The following BEND7 variants were observed in gnomAD, a reference collection of about 807,000 sequenced individuals.
BEND7 encodes BEN domain containing 7, also known as BEN domain-containing protein 7.
BEND7 carries 28 observed loss-of-function variants against 50.9 expected under a neutral mutation model. That is an observed-to-expected ratio of 0.55 (90% CI 0.41 to 0.75). BEND7 has a LOEUF of 0.75. Among genes scored for constraint, BEND7 ranks in the 30% least tolerant of loss-of-function variants. The pLI is 0.00. For missense variants in BEND7, 477 were observed against 491.3 expected (o/e 0.97, Z 0.28); for synonymous variants, 170 against 183.9 (o/e 0.92, Z 0.61).
At position 13,526,150 on chromosome 10, in the gene BEND7, G is replaced by T; in HGVS notation, c.133C>A (p.Pro45Thr). Residue 45 changes from proline to threonine, a missense_variant, in exon 2 of 9, where the codon CCC becomes ACC. Transcript: ENST00000466271. The stretch of plus-strand genomic sequence containing the variant: ...CATAGGAACCTACCTAAAAAAATGG[G>T]CTGTGTCTCTTTGGCCTCCCCATTA... ...DVNGEAKETQ[P>T]IFLGDESMEI... is the part of the protein sequence containing the mutation. 5 of 1,288,082 alleles carry T rather than the reference G, an allele frequency of 3.9e-6. No homozygotes were observed. Among genetic ancestry groups the T allele is most frequent in the Non-Finnish European group, 5.1e-6 (5 of 987,690 alleles). The allele number at this position is 1,288,082 out of a possible 1,614,324, so 79.8% of individuals were successfully genotyped here.
intron 6 of BEND7, among the ~76,000 whole-genome samples, chr10:13,461,113 G>A (rs535634969): frequency 4.1e-4 from 63 of 152,312 alleles, no homozygotes; most frequent in African/African-American, 1.5e-3. Flanking sequence ...TGATGGCTGA[G>A]CTGAAACCAA....
At chr10:13,486,153 A>G (rs2076206056) in intron 5 of BEND7, among the ~76,000 whole-genome samples, 1 of 152,206 alleles carries the variant, frequency 6.6e-6, no homozygotes, top group Non-Finnish European at 1.5e-5. Flanking sequence ...TGCTGAGATT[A>G]CAGGCATGTG....
At chr10:13,474,023 C>T (rs565165183) in intron 6 of BEND7, among the ~76,000 whole-genome samples, 3 of 151,770 alleles carry the variant, frequency 2.0e-5, no homozygotes, top group Admixed American at 6.6e-5. Flanking sequence ...CTGTTAAACT[C>T]GGGGCTGATA....
intron 5 of BEND7, among the ~76,000 whole-genome samples, chr10:13,486,257 G>T (rs1412266812): frequency 2.6e-5 from 4 of 152,192 alleles, no homozygotes; most frequent in Admixed American, 1.3e-4. Context: ...TTCAACTCTT[G>T]GCCTCAAGCA....
At chr10:13,476,642 G>A (rs1473809812) in intron 6 of BEND7, among the ~76,000 whole-genome samples, 5 of 152,182 alleles carry the variant, frequency 3.3e-5, no homozygotes, top group Admixed American at 6.5e-5. Context: ...CTCTAACCAC[G>A]TTAATCTGCA....
chr10:13,473,794 T>C (rs1044937076), intron 6 of BEND7, among the ~76,000 whole-genome samples: 1 of 151,792 alleles, frequency 6.6e-6, no homozygotes, highest in Non-Finnish European at 1.5e-5. Context: ...ATACTCATCA[T>C]TGTTGTTACA....
In BEND7 at chr10:13,467,016, G is replaced by A. The variant is rs118158288; in HGVS notation, c.1063+13883C>T. 4.5e-4 allele frequency among the ~76,000 whole-genome samples: 69 copies of A among 152,324 alleles called. No homozygotes were observed. In the East Asian group the frequency reaches 0.011, roughly 25 times the overall value. On this transcript the variant is annotated intron_variant, in intron 6 of 8. Coordinates refer to ENST00000466271, the MANE Select transcript of BEND7 (RefSeq NM_001369863.1). ...GGCTGGGAAGGCGGGTGCGGGGCAG[G>A]GGTCTCACTCATCAGTGGAGATTTA...
chr10:13,447,701 G>A (rs992643059), intron 7 of BEND7, among the ~76,000 whole-genome samples: 4 of 151,812 alleles, frequency 2.6e-5, no homozygotes, highest in Admixed American at 2.0e-4. Context: ...CCGCCACCAC[G>A]CCTGGCTAAT....
At chr10:13,466,688 A>G (rs2074282184) in intron 6 of BEND7, among the ~76,000 whole-genome samples, 1 of 152,224 alleles carries the variant, frequency 6.6e-6, no homozygotes, top group Non-Finnish European at 1.5e-5. Context: ...AAGATTGGGA[A>G]TCACCAGCTC....
chr10:13,480,564 C>A, intron 6 of BEND7: 2 of 852,614 alleles, frequency 2.3e-6, no homozygotes, highest in Non-Finnish European at 1.4e-6. Context: ...ATAACTCAAA[C>A]TTTAAGTTGA....
chr10:13,440,746 T>C (rs535234726), downstream of BEND7, among the ~76,000 whole-genome samples: 1 of 152,260 alleles, frequency 6.6e-6, no homozygotes, highest in African/African-American at 2.4e-5. Flanking sequence ...ATGTGTTGTT[T>C]CCATAGAAGC....
chr10:13,524,505 G>A (rs555341346), intron 2 of BEND7, among the ~76,000 whole-genome samples: 2 of 152,064 alleles, frequency 1.3e-5, no homozygotes, highest in Non-Finnish European at 2.9e-5. Flanking sequence ...TTAGCCAAGC[G>A]TGGTGGCAGG....
chr10:13,496,478 A>C (rs577350558), intron 4 of BEND7, among the ~76,000 whole-genome samples: 2 of 152,336 alleles, frequency 1.3e-5, no homozygotes, highest in African/African-American at 4.8e-5. Flanking sequence ...AGTTGTTCCC[A>C]AATTTAATTA....
intron 3 of BEND7, among the ~76,000 whole-genome samples, chr10:13,499,516 G>C (rs554861093): frequency 6.6e-6 from 1 of 152,062 alleles, no homozygotes; most frequent in African/African-American, 2.4e-5. Context: ...CAAAATGATC[G>C]CTTTAACCTC....
At chr10:13,527,012 T>G (rs2079489689) in intron 1 of BEND7, among the ~76,000 whole-genome samples, 1 of 152,210 alleles carries the variant, frequency 6.6e-6, no homozygotes, top group African/African-American at 2.4e-5. Context: ...TAGAGGTTCC[T>G]CCTTAACACC....
At chr10:13,494,394 C>T (rs1385934288) in intron 4 of BEND7, among the ~76,000 whole-genome samples, 5 of 152,122 alleles carry the variant, frequency 3.3e-5, no homozygotes, top group African/African-American at 7.2e-5. Flanking sequence ...TCCAGCCTGG[C>T]GACAGAGTGA....
chr10:13,510,285 A>C (rs918330380), intron 2 of BEND7, among the ~76,000 whole-genome samples: 3 of 152,164 alleles, frequency 2.0e-5, no homozygotes, highest in African/African-American at 4.8e-5. Flanking sequence ...TTTCCTTTCT[A>C]TGTAATTATA....
intron 2 of BEND7, among the ~76,000 whole-genome samples, chr10:13,503,842 G>A (rs2077665515): frequency 6.6e-6 from 1 of 152,214 alleles, no homozygotes; most frequent in Admixed American, 6.5e-5. Flanking sequence ...GTTGAAGAAG[G>A]GCAGAGTGTG....
chr10:13,439,264 C>T (rs756454195), downstream of BEND7: 2 of 1,614,064 alleles, frequency 1.2e-6, no homozygotes, highest in African/African-American at 1.3e-5. Context: ...TGAAGTGTAG[C>T]TGAGACCTGA....
Sources: gnomAD v4.1 joint callset for allele counts (sites outside exome capture counted in the v4.1 genomes callset) on GRCh38, gnomAD v4.1.1 for gene constraint, MANE v1.5 for transcripts, NCBI Gene and HGNC (gene_info 2026-07-23, HGNC 2026-07-21) for gene names.